The following MEMO1 variants were observed in gnomAD, a reference collection of about 807,000 sequenced individuals.
The protein encoded by MEMO1 is mediator of cell motility 1, also known as protein MEMO1.
MEMO1 carries 6 observed loss-of-function variants against 45.2 expected under a neutral mutation model. That is an observed-to-expected ratio of 0.13 (90% confidence interval 0.07 to 0.26). The LOEUF is 0.26. Among genes scored for constraint, MEMO1 ranks in the 10% least tolerant of loss-of-function variants. The probability of loss-of-function intolerance (pLI) is 1.00; values close to 1 mark genes in which losing one functional copy is unlikely to be tolerated. For missense variants in MEMO1, 184 were observed against 370.5 expected, an observed-to-expected ratio of 0.50 and a Z score of 4.13; for synonymous variants, 78 against 124.3, an observed-to-expected ratio of 0.63 and a Z score of 2.48.
intron 2 of MEMO1, among the ~76,000 whole-genome samples, chr2:31,961,589 T>C (rs1668012987): frequency 6.6e-6 from 1 of 150,526 alleles, no homozygotes; most frequent in Non-Finnish European, 1.5e-5. Flanking sequence ...ACAGTGAGAC[T>C]CTGTCTCTAT....
At chr2:32,008,426 T>C (rs1370508971) in intron 2 of MEMO1, among the ~76,000 whole-genome samples, 1 of 152,038 alleles carries the variant, frequency 6.6e-6, no homozygotes, top group Non-Finnish European at 1.5e-5. Flanking sequence ...CTACTAAAAA[T>C]ACAAAAAATT....
At chr2:31,941,357 T>C (rs1237044180) in intron 3 of MEMO1, among the ~76,000 whole-genome samples, 2 of 152,162 alleles carry the variant, frequency 1.3e-5, no homozygotes, top group Non-Finnish European at 2.9e-5. Context: ...GACTAAAATG[T>C]TACCTTACCA....
chr2:31,917,225 T>G (rs1326402473), intron 6 of MEMO1, among the ~76,000 whole-genome samples: 1 of 152,090 alleles, frequency 6.6e-6, no homozygotes, highest in African/African-American at 2.4e-5. Flanking sequence ...AGTCCATATA[T>G]AGGAAATGGT....
chr2:31,996,111 A>C (rs557374725), intron 2 of MEMO1, among the ~76,000 whole-genome samples: 60 of 151,976 alleles, frequency 3.9e-4, no homozygotes, highest in Non-Finnish European at 8.2e-4. Context: ...AATACATAAA[A>C]CAGCCAGGCA....
chr2:31,948,218 C>A (rs1666405818), intron 2 of MEMO1, among the ~76,000 whole-genome samples: 1 of 152,168 alleles, frequency 6.6e-6, no homozygotes, highest in South Asian at 2.1e-4. Flanking sequence ...AAGAAAAGAT[C>A]TATTTTAGAT....
Position 31,917,519 on chromosome 2 carries a change from T to G in MEMO1, c.437+407A>C, listed in dbSNP as rs552669106. Among the ~76,000 whole-genome samples the G allele has an allele frequency of 4.3e-4, 65 of 152,210 alleles. 1 individual carries two copies. The South Asian group carries it at 0.013, about 31-fold the overall frequency. On this transcript the variant is annotated intron_variant, in intron 6 of 9. Coordinates refer to ENST00000404530, the MANE Select transcript of MEMO1 (RefSeq NM_001301833.4). ...TACCATAAAAGAGATTCATGTACCT[T>G]GCACAAGGTTGAAATAAATGACCTC...
chr2:31,977,956 T>G (rs1291810088), intron 2 of MEMO1, among the ~76,000 whole-genome samples: 4 of 152,154 alleles, frequency 2.6e-5, no homozygotes, highest in African/African-American at 9.7e-5. Flanking sequence ...TTATTAAAAC[T>G]TATGCTTTAT....
chr2:31,988,025 G>A (rs769531626), intron 2 of MEMO1, among the ~76,000 whole-genome samples: 3 of 152,132 alleles, frequency 2.0e-5, no homozygotes, highest in Non-Finnish European at 4.4e-5. Context: ...GAAGGACTTG[G>A]AGGAGTCAGT....
At chr2:31,999,848 CA>C (rs1211288312) in intron 2 of MEMO1, among the ~76,000 whole-genome samples, 2 of 150,932 alleles carry the variant, frequency 1.3e-5, no homozygotes, top group Non-Finnish European at 2.9e-5. Context: ...AGATAATGTA[CA>C]ATACAAGGCT....
chr2:31,916,355 A>G (rs963105643), intron 6 of MEMO1, among the ~76,000 whole-genome samples: 1 of 151,964 alleles, frequency 6.6e-6, no homozygotes, highest in African/African-American at 2.4e-5. Flanking sequence ...CAGCCTCCCA[A>G]GTAGCTGGGA....
rs958451947 is a variant in MEMO1 at position 31,895,993 on chromosome 2, G to C, written c.438-3859C>G. ...CGAGTAGCTGGGACTACAGGCGCCC[G>C]CCACCTCGCCCAGCTAATTTTTTGT... On this transcript the variant is annotated intron_variant, in intron 6 of 9. Coordinates refer to ENST00000404530, the MANE Select transcript of MEMO1 (RefSeq NM_001301833.4). Among the ~76,000 whole-genome samples the C allele has an allele frequency of 2.0e-5, 3 of 151,808 alleles. No homozygotes were observed. In the South Asian group the frequency reaches 6.2e-4, roughly 32 times the overall value.
chr2:31,903,532 G>A (rs3769611), intron 6 of MEMO1, among the ~76,000 whole-genome samples: 36,601 of 151,850 alleles, frequency 0.24, 4,910 homozygotes, highest in East Asian at 0.53. Context: ...TAGGCTTTTC[G>A]TGGTCATAGA....
intron 2 of MEMO1, among the ~76,000 whole-genome samples, chr2:32,007,023 C>T (rs1674176687): frequency 6.6e-6 from 1 of 150,692 alleles, no homozygotes; most frequent in African/African-American, 2.4e-5. Flanking sequence ...GATTAAATTT[C>T]CTAAAATGCT....
chr2:31,921,793 T>C (rs935800737), intron 4 of MEMO1, among the ~76,000 whole-genome samples: 1 of 152,136 alleles, frequency 6.6e-6, no homozygotes, highest in Non-Finnish European at 1.5e-5. Flanking sequence ...TTCTATATAA[T>C]AAGCTTTCTC....
intron 2 of MEMO1, among the ~76,000 whole-genome samples, chr2:31,976,436 G>C (rs1488816317): frequency 6.6e-6 from 1 of 151,908 alleles, no homozygotes; most frequent in Non-Finnish European, 1.5e-5. Flanking sequence ...AAATTAGCCA[G>C]GCATGGTGGC....
intron 8 of MEMO1, among the ~76,000 whole-genome samples, chr2:31,878,322 T>G (rs975864533): frequency 6.6e-6 from 1 of 152,216 alleles, no homozygotes; most frequent in African/African-American, 2.4e-5. Context: ...CTGGCTTTTA[T>G]TCTGACTGAA....
chr2:31,928,168 G>A (rs1181450270), intron 4 of MEMO1, among the ~76,000 whole-genome samples: 1 of 152,174 alleles, frequency 6.6e-6, no homozygotes, highest in Non-Finnish European at 1.5e-5. Context: ...AAGTTTGTTT[G>A]TAAACAATCT....
At chr2:31,885,138 A>G (rs1237140028) in intron 7 of MEMO1, among the ~76,000 whole-genome samples, 2 of 151,570 alleles carry the variant, frequency 1.3e-5, no homozygotes, top group African/African-American at 4.8e-5. Flanking sequence ...TCTTTTTTTT[A>G]AGATGGAGTC....
rs544323242 is a variant in MEMO1, at chr2:31,927,329, G to C, written c.212+4738C>G. ...GCAAGACTTTGTCTCAAAAAAATAA[G>C]TACAAAAATTCATTGATAGTAACTT... On this transcript the variant is annotated intron_variant, in intron 4 of 9. Coordinates refer to ENST00000404530, the MANE Select transcript of MEMO1 (RefSeq NM_001301833.4). 1.0e-3 allele frequency among the ~76,000 whole-genome samples: 153 copies of C among 152,184 alleles called. 2 individuals carry two copies. Among genetic ancestry groups the C allele is most frequent in the Non-Finnish European group, 1.9e-3 (131 of 67,984 alleles).
Sources: gnomAD v4.1 joint callset for allele counts (sites outside exome capture counted in the v4.1 genomes callset) on GRCh38, gnomAD v4.1.1 for gene constraint, MANE v1.5 for transcripts, NCBI Gene and HGNC (gene_info 2026-07-23, HGNC 2026-07-21) for gene names.